TCF12: variants seen among roughly 807,000 people sequenced by gnomAD.
TCF12 encodes DNA-binding protein HTF4.
Under a neutral mutation model 86.0 loss-of-function variants are expected in TCF12, and 45 were observed. That is an observed-to-expected ratio of 0.52 (90% CI 0.41 to 0.67). The LOEUF is 0.67. TCF12 is among the 30% of genes least tolerant of loss of function. The pLI, the probability that TCF12 is intolerant of heterozygous loss-of-function variation, is 0.00. For synonymous variants in TCF12, 330 were observed against 299.6 expected (o/e 1.10, Z -1.05); for missense variants, 881 against 859.9 (o/e 1.02, Z -0.31).
At chr15:57,122,942 G>T (rs1309800234) in intron 5 of TCF12, among the ~76,000 whole-genome samples, 1 of 152,140 alleles carries the variant, frequency 6.6e-6, no homozygotes, top group East Asian at 1.9e-4. Flanking sequence ...CTAAAAAACA[G>T]CTTTTTAAAA....
intron 6 of TCF12, among the ~76,000 whole-genome samples, chr15:57,171,910 T>A (rs1202467030): frequency 3.3e-5 from 5 of 152,228 alleles, no homozygotes; most frequent in Admixed American, 3.3e-4. Context: ...TAAGCAAGTA[T>A]TTATTCACAT....
rs539273265 is a variant in TCF12, at chr15:56,936,638, C to T, written c.148+15540C>T. 2.0e-5 allele frequency among the ~76,000 whole-genome samples: 3 copies of T among 152,240 alleles called. No homozygotes were observed. The South Asian group carries it at 6.2e-4, about 32-fold the overall frequency. The stretch of plus-strand genomic sequence containing the variant: ...TCTTAGATTTAAGTTTTTGATCCAT[C>T]TTGAGTTGATTTTTGTATAAGGTAT... On this transcript the variant is annotated intron_variant, in intron 3 of 20. Coordinates refer to ENST00000333725, the MANE Select transcript of TCF12 (RefSeq NM_207037.2).
At chr15:57,056,116 G>GGTGTGTGTGT (rs137934114) in intron 3 of TCF12, among the ~76,000 whole-genome samples, 6,515 of 143,242 alleles carry the variant, frequency 0.045, 354 homozygotes, top group African/African-American at 0.14. Context: ...TAGTTTTAGG[G>GGTGTGTGTGT]GTGTGTGTGT....
chr15:56,952,358 T>A (rs2061318185), intron 3 of TCF12, among the ~76,000 whole-genome samples: 1 of 151,848 alleles, frequency 6.6e-6, no homozygotes, highest in African/African-American at 2.4e-5. Context: ...TTTTCAAAGT[T>A]ATTTTGGCTA....
chr15:56,983,627 T>A (rs1463790365), intron 3 of TCF12, among the ~76,000 whole-genome samples: 1 of 152,112 alleles, frequency 6.6e-6, no homozygotes. Context: ...AATACTAATA[T>A]GCATTTCAGT....
At chr15:57,201,024 T>C (rs76890652) in intron 8 of TCF12, among the ~76,000 whole-genome samples, 7,726 of 152,244 alleles carry the variant, frequency 0.051, 554 homozygotes, top group African/African-American at 0.16. Flanking sequence ...GTTTTAAAAC[T>C]GATATGCTCA....
At chr15:57,083,866 C>T (rs948450947) in intron 4 of TCF12, among the ~76,000 whole-genome samples, 7 of 152,136 alleles carry the variant, frequency 4.6e-5, no homozygotes, top group Non-Finnish European at 7.3e-5. Context: ...CAGGTGTGAG[C>T]GACTGCACCC....
chr15:57,136,970 GTTTTTTTTTTTT>G (rs1402740121), intron 5 of TCF12, among the ~76,000 whole-genome samples: 1 of 40,830 alleles, frequency 2.4e-5, no homozygotes, highest in East Asian at 7.4e-4. Flanking sequence ...TTTTTTTTTT[GTTTTTTTTTTTT>G]TTTTTTTTTT....
chr15:57,160,199 A>G (rs886356413), intron 5 of TCF12, among the ~76,000 whole-genome samples: 3 of 152,190 alleles, frequency 2.0e-5, no homozygotes, highest in Admixed American at 2.0e-4. Context: ...TTTTTAAAGG[A>G]AAGAGGTTTA....
chr15:56,994,289 A>G (rs1013142926), intron 3 of TCF12, among the ~76,000 whole-genome samples: 1 of 152,218 alleles, frequency 6.6e-6, no homozygotes, highest in Non-Finnish European at 1.5e-5. Context: ...CCAAAATTTC[A>G]TAACAATATT....
chr15:57,043,909 C>G (rs944122035), intron 3 of TCF12, among the ~76,000 whole-genome samples: 5 of 151,634 alleles, frequency 3.3e-5, no homozygotes, highest in African/African-American at 4.8e-5. Flanking sequence ...CAGTTTTCCC[C>G]GTCATGCATT....
chr15:57,247,082 G>A lies in TCF12; in HGVS notation c.1114+3532G>A, dbSNP rs376461323. On this transcript the variant is annotated intron_variant, in intron 13 of 20. Coordinates refer to ENST00000333725, the MANE Select transcript of TCF12 (RefSeq NM_207037.2). ...ATTGCTGTTGTTCACTATAATTTCC[G>A]AACTCATTATAGTTCCCACCACCAC... 431 of 566,844 alleles carry A rather than the reference G, an allele frequency of 7.6e-4. 4 individuals carry two copies. Among genetic ancestry groups the A allele is most frequent in the South Asian group, 5.4e-3 (368 of 67,548 alleles). 35.1% of individuals were successfully genotyped at this position (566,844 alleles called of 1,614,324 possible). A position where few individuals can be genotyped will look rare whatever the true frequency, so the allele number is the denominator to read the frequency against.
chr15:57,080,850 C>T (rs573909204), intron 4 of TCF12, among the ~76,000 whole-genome samples: 9 of 152,240 alleles, frequency 5.9e-5, no homozygotes, highest in South Asian at 2.1e-4. Context: ...CTGGCTCTGA[C>T]GCTGTAGAAA....
At chr15:57,252,958 T>C (rs1405709986) in intron 15 of TCF12, among the ~76,000 whole-genome samples, 1 of 149,782 alleles carries the variant, frequency 6.7e-6, no homozygotes, top group South Asian at 2.1e-4. Context: ...TGGCAGCTCT[T>C]ATTGAGAAAT....
At chr15:57,029,870 T>C (rs757001996) in intron 3 of TCF12, among the ~76,000 whole-genome samples, 3 of 152,222 alleles carry the variant, frequency 2.0e-5, no homozygotes, top group Non-Finnish European at 2.9e-5. Flanking sequence ...TCACTAAGCA[T>C]AATTACATGT....
At chr15:57,064,835 C>G (rs1411299481) in intron 4 of TCF12, among the ~76,000 whole-genome samples, 2 of 142,046 alleles carry the variant, frequency 1.4e-5, no homozygotes, top group African/African-American at 5.3e-5. Flanking sequence ...AAAGACTTTT[C>G]CAAAAGGCCA....
chr15:57,114,386 G>T (rs542506681), intron 5 of TCF12, among the ~76,000 whole-genome samples: 2 of 152,248 alleles, frequency 1.3e-5, no homozygotes, highest in South Asian at 4.1e-4. Flanking sequence ...GGCCTCCTGC[G>T]CTCAAATGAT....
chr15:57,241,174 A>T (rs1597560831), intron 12 of TCF12, among the ~76,000 whole-genome samples: 1 of 151,652 alleles, frequency 6.6e-6, no homozygotes, highest in African/African-American at 2.4e-5. Flanking sequence ...GCTCACTGAA[A>T]CCTCCACCTC....
chr15:57,280,084 C>G (rs973997512), intron 19 of TCF12, among the ~76,000 whole-genome samples: 1 of 151,582 alleles, frequency 6.6e-6, no homozygotes, highest in African/African-American at 2.4e-5. Context: ...TAGTAGAGAT[C>G]GGGTTTCACC....
Sources: allele counts gnomAD v4.1 joint callset (sites outside exome capture counted in the v4.1 genomes callset), GRCh38; gene constraint gnomAD v4.1.1; transcripts MANE v1.5; gene names NCBI Gene and HGNC (gene_info 2026-07-23, HGNC 2026-07-21).